SYMPK: variants seen among roughly 807,000 people sequenced by gnomAD.
The protein encoded by SYMPK is symplekin scaffold protein, also known as symplekin.
Under a neutral mutation model 136.4 loss-of-function variants are expected in SYMPK, and 49 were observed. The observed-to-expected ratio is 0.36, with a 90% CI of 0.29 to 0.46. SYMPK has a LOEUF of 0.46. SYMPK is among the 20% of genes least tolerant of loss of function. The probability of loss-of-function intolerance (pLI) is 1.00; values close to 1 mark genes in which losing one functional copy is unlikely to be tolerated. For synonymous variants in SYMPK, 766 were observed against 713.0 expected (o/e 1.07, Z -1.19); for missense variants, 1,365 against 1,690.0 (o/e 0.81, Z 3.37).
chr19:45,819,045 A>G (rs1970824581), intron 22 of SYMPK: 1 of 152,044 alleles, frequency 6.6e-6, no homozygotes, highest in Admixed American at 6.5e-5. Context: ...GAATGGGCAG[A>G]GCAGACAGTG....
At chr19:45,831,291 ACACG>A (rs1215247219) in intron 12 of SYMPK, 89 bp downstream of exon 12, 217 of 916,434 alleles carry the variant, frequency 2.4e-4, no homozygotes, top group South Asian at 6.2e-4. Flanking sequence ...TTACACACAC[ACACG>A]CACACGCACA....
chr19:45,827,661 T>C, intron 15 of SYMPK, 38 bp from the exon 16 acceptor site: 1 of 1,572,654 alleles, frequency 6.4e-7, no homozygotes, highest in Non-Finnish European at 8.8e-7. Flanking sequence ...TCAGCCCACC[T>C]GAGTGTGCCT....
At chr19:45,818,180 T>C (rs1455829684) in intron 22 of SYMPK, 34 bp from the exon 23 acceptor site, 6 of 1,494,222 alleles carry the variant, frequency 4.0e-6, no homozygotes, top group Non-Finnish European at 5.4e-6. Context: ...CTGTCCTCTC[T>C]GCCCAGCTGC....
intron 7 of SYMPK, among the ~76,000 whole-genome samples, chr19:45,846,842 G>A (rs930723767): frequency 1.3e-5 from 2 of 150,776 alleles, no homozygotes; most frequent in Admixed American, 1.3e-4. Flanking sequence ...CACCCAGGCT[G>A]GAGTGCAGTG....
intron 15 of SYMPK, 102 bp from the exon 16 acceptor site, chr19:45,827,725 C>G (rs556182432): frequency 2.0e-6 from 3 of 1,481,284 alleles, no homozygotes; most frequent in Non-Finnish European, 1.9e-6. Context: ...CAAAAGGGCC[C>G]GGTCCCTCAC....
At chr19:45,839,167 G>C (rs1202581518) in intron 9 of SYMPK, among the ~76,000 whole-genome samples, 2 of 152,142 alleles carry the variant, frequency 1.3e-5, no homozygotes, top group Admixed American at 1.3e-4. Flanking sequence ...AGGATTACAG[G>C]CATGAGCCAC....
chr19:45,851,490 A>C (rs996219710), intron 5 of SYMPK, among the ~76,000 whole-genome samples: 2 of 151,794 alleles, frequency 1.3e-5, no homozygotes, highest in Non-Finnish European at 2.9e-5. Flanking sequence ...AGGCACAAGA[A>C]TCTCTTGAGC....
At position 45,842,287 on chromosome 19, in the gene SYMPK, G is replaced by A. The variant is rs746902399; in HGVS notation, c.1050C>T (p.Arg350=). 51 of 1,614,026 alleles carry A rather than the reference G, an allele frequency of 3.2e-5. No individual in the cohort carries two copies. The highest frequency in any genetic ancestry group is 4.1e-5 in the Non-Finnish European group (48 of 1,180,040). The stretch of plus-strand genomic sequence containing the variant: ...TCTTGAGTGTGGAGTCCGAGTCATC[G>A]CGGGGCCGCTTGCGGGTGTCCTTGC... ...PSSKDTRKRP[R]DDSDSTLKKM... The change falls in exon 9 of 27, where the codon CGC becomes CGT. Residue 350 remains arginine (R), a synonymous_variant. Transcript: ENST00000245934.
chr19:45,820,950 C>T (rs1172114774), intron 22 of SYMPK: 5 of 580,388 alleles, frequency 8.6e-6, no homozygotes, highest in East Asian at 2.9e-5. Flanking sequence ...CCAACCCTGC[C>T]GCCCTGCAGG....
At chr19:45,839,403 T>C (rs1046631698) in intron 9 of SYMPK, among the ~76,000 whole-genome samples, 3 of 152,154 alleles carry the variant, frequency 2.0e-5, no homozygotes, top group Non-Finnish European at 4.4e-5. Flanking sequence ...GTAAGTGAAA[T>C]GCTCAAAACA....
chr19:45,859,585 G>C (rs1238208094), intron 1 of SYMPK, among the ~76,000 whole-genome samples: 2 of 152,002 alleles, frequency 1.3e-5, no homozygotes, highest in African/African-American at 2.4e-5. Flanking sequence ...GGATGACAGA[G>C]CAAGACTCTG....
Position 45,815,528 on chromosome 19 carries a change from C to G in SYMPK, c.*32G>C. 1 of 1,455,458 alleles carries G rather than the reference C, an allele frequency of 6.9e-7. No homozygotes were observed. Among genetic ancestry groups the G allele is most frequent in the Non-Finnish European group, 9.1e-7 (1 of 1,094,788 alleles). 90.2% of individuals were successfully genotyped at this position (1,455,458 alleles called of 1,614,324 possible). On this transcript the variant is annotated 3_prime_UTR_variant, in exon 27 of 27. Coordinates refer to ENST00000245934, the MANE Select transcript of SYMPK (RefSeq NM_004819.3). ...CCGCCCCGTCCCCCAGCCCCGAGTC[C>G]CTGTCCCACCCCCTTTCCCCCTCGA...
intron 9 of SYMPK, among the ~76,000 whole-genome samples, chr19:45,841,847 G>T (rs985046146): frequency 6.6e-6 from 1 of 152,038 alleles, no homozygotes; most frequent in Non-Finnish European, 1.5e-5. Flanking sequence ...CTGGGGAGTG[G>T]TTACTTCTTG....
At position 45,843,888 on chromosome 19, in the gene SYMPK, G is replaced by A. The variant is rs1049925718; in HGVS notation, c.847+142C>T. 12 of 695,990 alleles carry A rather than the reference G, an allele frequency of 1.7e-5. No individual in the cohort carries two copies. In the African/African-American group the frequency reaches 2.2e-4, roughly 13 times the overall value. 43.1% of individuals were successfully genotyped at this position (695,990 alleles called of 1,614,324 possible). A position where few individuals can be genotyped will look rare whatever the true frequency, so the allele number is the denominator to read the frequency against. Reference sequence around the variant, plus strand: ...GAACTGGGGAGGCAGAGGTTGCAGTGAGCCAAGATTGCACCACTGCACTCC... The same window carrying A: ...GAACTGGGGAGGCAGAGGTTGCAGTAAGCCAAGATTGCACCACTGCACTCC... On this transcript the variant is annotated intron_variant, in intron 8 of 26. Transcript: ENST00000245934.
chr19:45,861,329 C>T (rs973193698), intron 1 of SYMPK, among the ~76,000 whole-genome samples: 2 of 151,856 alleles, frequency 1.3e-5, no homozygotes, highest in Non-Finnish European at 2.9e-5. Flanking sequence ...TTGTTTTGTT[C>T]TTTTTTAAAC....
intron 1 of SYMPK, among the ~76,000 whole-genome samples, chr19:45,859,953 TAAAAAAAAAAAAAAAAA>T (rs61203536): frequency 2.3e-5 from 2 of 85,652 alleles, no homozygotes; most frequent in African/African-American, 9.2e-5. Flanking sequence ...AGACTCCATC[TAAAAAAAAAAAAAAAAA>T]AAAAAAAAAA....
At chr19:45,841,037 G>A (rs1971423144) in intron 9 of SYMPK, among the ~76,000 whole-genome samples, 1 of 151,208 alleles carries the variant, frequency 6.6e-6, no homozygotes, top group African/African-American at 2.4e-5. Context: ...CCAGGATGGA[G>A]TGCAATGGTG....
At chr19:45,854,580 G>T in intron 1 of SYMPK, 73 bp from the exon 2 acceptor site, 2 of 1,267,824 alleles carry the variant, frequency 1.6e-6, no homozygotes, top group Non-Finnish European at 2.2e-6. Context: ...ATTGTCACCC[G>T]AACACCTACA....
chr19:45,826,410 G>T (rs1301958317), intron 16 of SYMPK, 37 bp from the exon 17 acceptor site: 6 of 1,606,172 alleles, frequency 3.7e-6, no homozygotes, highest in Admixed American at 1.7e-5. Context: ...GGTCAGGGAA[G>T]AGGTAAGAGG....
Sources: allele counts gnomAD v4.1 joint callset (sites outside exome capture counted in the v4.1 genomes callset), GRCh38; gene constraint gnomAD v4.1.1; transcripts MANE v1.5; gene names NCBI Gene and HGNC (gene_info 2026-07-23, HGNC 2026-07-21).